The following TPH2 variants were observed in gnomAD, a reference collection of about 807,000 sequenced individuals.
TPH2 encodes the protein tryptophan hydroxylase 2, also known as tryptophan 5-hydroxylase 2.
TPH2 carries 27 observed loss-of-function variants against 59.1 expected under a neutral mutation model. The ratio of observed to expected loss-of-function variants is 0.46; its 90% CI spans 0.34 to 0.63. The LOEUF is 0.63. Ranked by LOEUF, TPH2 falls within the 30% of genes least tolerant of loss-of-function variation. The pLI is 0.01. For missense variants in TPH2, 523 were observed against 588.3 expected (o/e 0.89, Z 1.15); for synonymous variants, 220 against 210.5 (o/e 1.05, Z -0.39).
intron 7 of TPH2, among the ~76,000 whole-genome samples, chr12:71,989,726 T>G (rs986900861): frequency 6.6e-6 from 1 of 152,136 alleles, no homozygotes; most frequent in Admixed American, 6.5e-5. Flanking sequence ...AGGAGAAAAA[T>G]GCCAGACTCA....
rs149529607 is a variant in TPH2, at chr12:71,944,340, G to C, written c.302G>C (p.Arg101Pro). The C allele has an allele frequency of 6.2e-7, 1 of 1,613,852 alleles. No individual in the cohort carries two copies. The highest frequency in any genetic ancestry group is 2.2e-5 in the East Asian group (1 of 44,872). ...MVHIESRKSRRRSSEVEIFVD... is the reference protein window; with the variant it reads ...MVHIESRKSRPRSSEVEIFVD... ...CATATTGAATCCAGGAAATCTCGGC[G>C]AAGAAGTTCTGAGGTTGAAATCTTT... The change falls in exon 3 of 11, where the codon CGA (arginine) becomes CCA (proline). Residue 101 changes from arginine (R) to proline (P), a missense_variant. Coordinates refer to ENST00000333850, the MANE Select transcript of TPH2 (RefSeq NM_173353.4).
chr12:71,966,401 G>C (rs905719253), intron 5 of TPH2, among the ~76,000 whole-genome samples: 3 of 152,140 alleles, frequency 2.0e-5, no homozygotes, highest in African/African-American at 7.2e-5. Flanking sequence ...CCAATGAGCT[G>C]CTAATTTCTA....
At chr12:72,022,261 A>T in intron 8 of TPH2, 138 bp from the exon 9 acceptor site, 1 of 703,074 alleles carries the variant, frequency 1.4e-6, no homozygotes, top group Non-Finnish European at 2.6e-6. Flanking sequence ...ATTTCAATAA[A>T]TGTTCTTGAT....
chr12:72,016,515 T>C (rs1015707126), intron 8 of TPH2, among the ~76,000 whole-genome samples: 1 of 152,106 alleles, frequency 6.6e-6, no homozygotes, highest in Admixed American at 6.5e-5. Context: ...GTACACCCAA[T>C]TTAGCCTATA....
rs537145444 is a variant in TPH2, at chr12:72,013,498, C to T, written c.1069-8901C>T. Among the ~76,000 whole-genome samples, 10 of 152,124 alleles carry T rather than the reference C, an allele frequency of 6.6e-5. No individual in the cohort carries two copies. In the South Asian group the frequency reaches 1.2e-3, roughly 19 times the overall value. On this transcript the variant is annotated intron_variant, in intron 8 of 10. Coordinates refer to ENST00000333850, the MANE Select transcript of TPH2 (RefSeq NM_173353.4). ...AATACCTCAGGCCAGTGTCCTAGAC[C>T]ATTTACTTTTTCCAATAACTTCTCT...
intron 5 of TPH2, among the ~76,000 whole-genome samples, chr12:71,953,099 A>G (rs1871395096): frequency 6.6e-6 from 1 of 151,846 alleles, no homozygotes; most frequent in African/African-American, 2.4e-5. Context: ...GTTGACCCAC[A>G]TTCCTCTTTA....
chr12:71,979,210 A>G, intron 7 of TPH2, 123 bp downstream of exon 7: 1 of 1,383,316 alleles, frequency 7.2e-7, no homozygotes, highest in Non-Finnish European at 1.0e-6. Flanking sequence ...TGAGAGTCAC[A>G]TCACTCACCT....
intron 8 of TPH2, 122 bp downstream of exon 8, chr12:71,994,687 C>T: frequency 1.4e-5 from 17 of 1,246,864 alleles, no homozygotes; most frequent in Non-Finnish European, 1.9e-5. Context: ...GTGAATTTAC[C>T]TTTTCCTATG....
intron 9 of TPH2, among the ~76,000 whole-genome samples, chr12:72,023,767 T>A (rs1206313183): frequency 7.0e-6 from 1 of 142,030 alleles, no homozygotes; most frequent in Non-Finnish European, 1.5e-5. Context: ...GAGGTTGCAG[T>A]GAGCCGAGAT....
At chr12:71,999,845 T>TA (rs1872779059) in intron 8 of TPH2, among the ~76,000 whole-genome samples, 3 of 152,364 alleles carry the variant, frequency 2.0e-5, no homozygotes, top group African/African-American at 7.2e-5. Context: ...AATTCTACCT[T>TA]AGACTATACT....
At chr12:71,996,098 A>G (rs552837136) in intron 8 of TPH2, among the ~76,000 whole-genome samples, 11 of 152,344 alleles carry the variant, frequency 7.2e-5, no homozygotes, top group Admixed American at 7.2e-4. Context: ...AGGACGTTGT[A>G]GTCAAGATGC....
chr12:71,944,756 T>C, intron 4 of TPH2, 70 bp downstream of exon 4: 8 of 1,326,822 alleles, frequency 6.0e-6, no homozygotes, highest in Non-Finnish European at 8.7e-6. Flanking sequence ...CACTGTGCCA[T>C]GTTCTGTGCT....
Position 71,964,049 on chromosome 12 carries a change from T to A in TPH2, c.609-8470T>A, listed in dbSNP as rs1389354607. Among the ~76,000 whole-genome samples the A allele has an allele frequency of 5.9e-5, 3 of 50,714 alleles. 1 individual carries two copies. Among genetic ancestry groups the A allele is most frequent in the African/African-American group, 1.7e-4 (3 of 18,084 alleles). The allele number at this position is 50,714 out of a possible 152,430, so 33.3% of individuals were successfully genotyped here. A position where few individuals can be genotyped will look rare whatever the true frequency, so the allele number is the denominator to read the frequency against. On this transcript the variant is annotated intron_variant, in intron 5 of 10. Transcript: ENST00000333850. ...TTAAAGCATCAACAACTGGTGTTTATGCAGGAGTCACAAAGTACCCAAACA... is the reference window on the plus strand; with the variant it reads ...TTAAAGCATCAACAACTGGTGTTTAAGCAGGAGTCACAAAGTACCCAAACA...
Position 71,938,887 on chromosome 12 carries a change from A to C in TPH2, c.-100A>C. ...CAGGGTTCTGGACAGCGCCCCAAGC[A>C]GGCAGCTGATCGCACGCCCCTTCCT... is the stretch of plus-strand genomic sequence containing the variant. On this transcript the variant is annotated 5_prime_UTR_variant, in exon 1 of 11. Coordinates refer to ENST00000333850, the MANE Select transcript of TPH2 (RefSeq NM_173353.4). 1 of 988,292 alleles carries C rather than the reference A, an allele frequency of 1.0e-6. No homozygotes were observed. Among genetic ancestry groups the C allele is most frequent in the Non-Finnish European group, 1.6e-6 (1 of 619,358 alleles). The allele number at this position is 988,292 out of a possible 1,614,324, so 61.2% of individuals were successfully genotyped here.
intron 7 of TPH2, among the ~76,000 whole-genome samples, chr12:71,984,918 C>T (rs1214834041): frequency 1.3e-5 from 2 of 152,164 alleles, no homozygotes; most frequent in Admixed American, 1.3e-4. Context: ...GCCCCAAGAC[C>T]TGAAAATACT....
chr12:71,990,454 C>T (rs889780682), intron 7 of TPH2, among the ~76,000 whole-genome samples: 5 of 152,196 alleles, frequency 3.3e-5, no homozygotes, highest in African/African-American at 1.2e-4. Context: ...AGCCTGGAAC[C>T]CCTCTCTGCC....
At chr12:72,010,194 A>G (rs554458428) in intron 8 of TPH2, among the ~76,000 whole-genome samples, 1 of 152,152 alleles carries the variant, frequency 6.6e-6, no homozygotes. Context: ...ACCACATTAC[A>G]TCACTTTCGT....
Position 71,994,676 on chromosome 12 carries a change from G to A in TPH2, c.1068+111G>A, listed in dbSNP as rs1872652946. Reference sequence around the variant, plus strand: ...TAGGTAAATGTTCTGGAGAAAACATGGTGAATTTACCTTTTCCTATGTTGT... The same window carrying A: ...TAGGTAAATGTTCTGGAGAAAACATAGTGAATTTACCTTTTCCTATGTTGT... On this transcript the variant is annotated intron_variant, in intron 8 of 10. Transcript: ENST00000333850. The A allele has an allele frequency of 2.9e-6, 4 of 1,369,066 alleles. No individual in the cohort carries two copies. In the African/African-American group the frequency reaches 5.7e-5, roughly 20 times the overall value. 84.8% of individuals were successfully genotyped at this position (1,369,066 alleles called of 1,614,324 possible).
chr12:71,957,950 T>G (rs1359211167), intron 5 of TPH2, among the ~76,000 whole-genome samples: 1 of 152,196 alleles, frequency 6.6e-6, no homozygotes, highest in Non-Finnish European at 1.5e-5. Flanking sequence ...ACTTTCAGAT[T>G]GTATTAGGTT....
Sources: allele counts gnomAD v4.1 joint callset (sites outside exome capture counted in the v4.1 genomes callset), GRCh38; gene constraint gnomAD v4.1.1; transcripts MANE v1.5; gene names NCBI Gene and HGNC (gene_info 2026-07-23, HGNC 2026-07-21).